Variants in SLCO2B1 observed in about 807,000 individuals in gnomAD.
SLCO2B1 encodes solute carrier organic anion transporter family member 2B1, also known as OATP-RP2.
A neutral mutation model predicts 67.3 loss-of-function variants in SLCO2B1; 41 were observed. That is an observed-to-expected ratio of 0.61 (90% CI 0.47 to 0.79). The LOEUF is 0.79. SLCO2B1 is among the 30% of genes least tolerant of loss of function. The pLI is 0.00. For synonymous variants in SLCO2B1, 379 were observed against 381.4 expected (o/e 0.99, Z 0.07); for missense variants, 837 against 920.1 (o/e 0.91, Z 1.17).
chr11:75,203,164 C>T (rs945851964), intron 12 of SLCO2B1, 143 bp from the exon 13 acceptor site: 41 of 1,305,350 alleles, frequency 3.1e-5, no homozygotes, highest in Non-Finnish European at 2.4e-5. Context: ...GAAGCCACCT[C>T]GGATGCAGGG....
At position 75,164,033 on chromosome 11, in the gene SLCO2B1, T is replaced by A. The variant is rs1410174244; in HGVS notation, c.218T>A (p.Ile73Asn). The change falls in exon 3 of 14, where the codon ATC becomes AAC. Residue 73 changes from isoleucine (I) to asparagine (N), a missense_variant. Ile to Asn is a moderately radical substitution (Grantham distance 149, BLOSUM62 -3). Transcript: ENST00000289575. ...ATCTCCGGCTACCTAAAGAGCTCCA[T>A]CTCCACAGTGGAGAAGCGCTTCGGC... ...LMISGYLKSS[I>N]STVEKRFGLS... is the part of the protein sequence containing the mutation. The A allele has an allele frequency of 1.2e-6, 2 of 1,607,666 alleles. No homozygotes were observed. The highest frequency in any genetic ancestry group is 1.3e-5 in the African/African-American group (1 of 74,698).
intron 1 of SLCO2B1, among the ~76,000 whole-genome samples, chr11:75,160,586 G>A (rs546102904): frequency 2.6e-5 from 4 of 152,234 alleles, no homozygotes; most frequent in South Asian, 2.1e-4. Context: ...TTTCCTCCTT[G>A]CCTTTAAAGT....
rs1299715474 is a variant in SLCO2B1, at chr11:75,188,130, C to T, written c.973-6C>T. ...CGGACTGTCCTTGGTTTTGTGTCTC[C>T]TTCAGGGCAAGGACTCTCCCTCTAA... On this transcript the variant is annotated splice_region_variant and splice_polypyrimidine_tract_variant and intron_variant, in intron 7 of 13. Coordinates refer to ENST00000289575, the MANE Select transcript of SLCO2B1 (RefSeq NM_007256.5). The T allele has an allele frequency of 1.2e-6, 2 of 1,610,212 alleles. No homozygotes were observed. Among genetic ancestry groups the T allele is most frequent in the South Asian group, 2.2e-5 (2 of 90,698 alleles).
intron 9 of SLCO2B1, among the ~76,000 whole-genome samples, chr11:75,194,128 T>TTTAGAG (rs1352583386): frequency 2.0e-5 from 3 of 152,198 alleles, no homozygotes; most frequent in Admixed American, 6.5e-5. Context: ...GGAGCTAAAA[T>TTTAGAG]TCTGATATTC....
In SLCO2B1 at chr11:75,179,971, C is replaced by T. The variant is rs766809445; in HGVS notation, c.972+7402C>T. 5.3e-5 allele frequency among the ~76,000 whole-genome samples: 8 copies of T among 150,704 alleles called. No homozygotes were observed. In the South Asian group the frequency reaches 1.3e-3, roughly 24 times the overall value. The stretch of plus-strand genomic sequence containing the variant: ...CCTCCCAAAGTGTTGGGGTTACAGG[C>T]GTGAGCCACCACACCTGGCCCTGGT... On this transcript the variant is annotated intron_variant, in intron 7 of 13. Transcript: ENST00000289575.
chr11:75,169,377 C>T lies in SLCO2B1; in HGVS notation c.653C>T (p.Ala218Val). ...PFGISYIDDF[A>V]HNSNSPLYLG... is the part of the protein sequence containing the mutation. Reference sequence around the variant, plus strand: ...GGCATCTCCTACATCGATGACTTTGCCCACAACAGCAACTCGCCCCTCTAC... The same window carrying T: ...GGCATCTCCTACATCGATGACTTTGTCCACAACAGCAACTCGCCCCTCTAC... The change falls in exon 5 of 14, where the codon GCC becomes GTC. Residue 218 changes from alanine (A) to valine (V), a missense_variant. By Grantham distance (64) the Ala-to-Val change is moderately conservative (BLOSUM62 0). Transcript: ENST00000289575. The T allele has an allele frequency of 6.2e-7, 1 of 1,605,552 alleles. No homozygotes were observed.
chr11:75,165,906 G>C lies in SLCO2B1; in HGVS notation c.405G>C (p.Pro135=), dbSNP rs1109407. The C allele has an allele frequency of 2.5e-6, 4 of 1,613,932 alleles. No individual in the cohort carries two copies. The highest frequency in any genetic ancestry group is 3.4e-6 in the Non-Finnish European group (4 of 1,179,994). The change falls in exon 4 of 14, where the codon CCG becomes CCC. Residue 135 remains proline, a synonymous_variant. Transcript: ENST00000289575. ...VALAGLLMTL[P]HFISEPYRYD... ...TGGCGGGCCTGCTCATGACTCTCCC[G>C]CACTTCATCTCGGAGCCATACCGCT...
intron 1 of SLCO2B1, among the ~76,000 whole-genome samples, chr11:75,154,936 C>T (rs1476849053): frequency 6.6e-6 from 1 of 152,228 alleles, no homozygotes; most frequent in Non-Finnish European, 1.5e-5. Flanking sequence ...TGAGCCATAG[C>T]TGCCTATCTC....
chr11:75,202,974 C>T lies in SLCO2B1; in HGVS notation c.1828+9C>T. 1.2e-6 allele frequency: 2 copies of T among 1,613,108 alleles called. No homozygotes were observed. Among genetic ancestry groups the T allele is most frequent in the Middle Eastern group, 1.7e-4 (1 of 6,060 alleles). On this transcript the variant is annotated intron_variant, in intron 12 of 13. Transcript: ENST00000289575. ...GTTCCTGAGGATTTTGGGTAAAGATCTTGCTTGGGACCATTGGTGGTGGTG... is the reference window on the plus strand; with the variant it reads ...GTTCCTGAGGATTTTGGGTAAAGATTTTGCTTGGGACCATTGGTGGTGGTG...
At chr11:75,170,415 G>C (rs1339203926) in intron 6 of SLCO2B1, among the ~76,000 whole-genome samples, 5 of 152,148 alleles carry the variant, frequency 3.3e-5, no homozygotes, top group African/African-American at 4.8e-5. Context: ...TCTGAAGGTG[G>C]CCAGGAGGGA....
chr11:75,176,365 C>A (rs1950023453), intron 7 of SLCO2B1, among the ~76,000 whole-genome samples: 1 of 152,214 alleles, frequency 6.6e-6, no homozygotes, highest in South Asian at 2.1e-4. Context: ...GGACCCCTGT[C>A]CCTCTCCAGG....
In SLCO2B1 at chr11:75,160,038, C is replaced by T. The variant is rs183477372; in HGVS notation, c.17-2617C>T. 2.0e-4 allele frequency: 36 copies of T among 176,996 alleles called. No individual in the cohort carries two copies. The East Asian group carries it at 4.7e-3, about 23-fold the overall frequency. 11.0% of individuals were successfully genotyped at this position (176,996 alleles called of 1,614,324 possible). On this transcript the variant is annotated intron_variant, in intron 1 of 13. Transcript: ENST00000289575. ...GAGGGTCCAGGGTCTGGCCTGGAGG[C>T]GGGGGCCTCACATTCTGAGCTGGCC...
intron 1 of SLCO2B1, among the ~76,000 whole-genome samples, chr11:75,156,468 G>T: frequency 6.6e-6 from 1 of 152,150 alleles, no homozygotes. Context: ...GGTAGGAAGG[G>T]CCCAAGGCAG....
chr11:75,188,362 A>ATC lies in SLCO2B1; in HGVS notation c.1075+126_1075+127dup, dbSNP rs1475890364. 4.5e-6 allele frequency: 3 copies of ATC among 662,280 alleles called. No individual in the cohort carries two copies. In the African/African-American group the frequency reaches 5.4e-5, roughly 12 times the overall value. The allele number at this position is 662,280 out of a possible 1,614,324, so 41.0% of individuals were successfully genotyped here. On this transcript the variant is annotated intron_variant, in intron 8 of 13. Transcript: ENST00000289575. ...TACCTGCAGACCCCTCATGAGCACC[A>ATC]TCTACTCCTTGTGAGTCTTTGCACA...
intron 7 of SLCO2B1, among the ~76,000 whole-genome samples, chr11:75,174,944 A>T (rs1014852543): frequency 6.6e-6 from 1 of 152,182 alleles, no homozygotes; most frequent in Non-Finnish European, 1.5e-5. Flanking sequence ...TGCTGAGGTT[A>T]GGTTCCTGGA....
At chr11:75,199,873 A>G in intron 10 of SLCO2B1, 1 of 264,442 alleles carries the variant, frequency 3.8e-6, no homozygotes, top group Non-Finnish European at 7.2e-6. Context: ...TCCAGGGGGC[A>G]AGCCCGGGGA....
chr11:75,166,044 A>C, intron 4 of SLCO2B1, 95 bp downstream of exon 4: 1 of 1,416,884 alleles, frequency 7.1e-7, no homozygotes, highest in Non-Finnish European at 9.5e-7. Context: ...GGCAGGATAC[A>C]CCCCAAAACC....
At chr11:75,191,638 C>T (rs1945024903) in intron 8 of SLCO2B1, among the ~76,000 whole-genome samples, 1 of 152,194 alleles carries the variant, frequency 6.6e-6, no homozygotes, top group Non-Finnish European at 1.5e-5. Context: ...ATGACAGAGG[C>T]CCTGGTCCTG....
Position 75,168,055 on chromosome 11 carries a change from G to A in SLCO2B1, c.449-1118G>A, listed in dbSNP as rs193063652. Among the ~76,000 whole-genome samples the A allele has an allele frequency of 2.1e-3, 314 of 152,024 alleles. 2 individuals carry two copies. Among genetic ancestry groups the A allele is most frequent in the African/African-American group, 6.9e-3 (285 of 41,460 alleles). On this transcript the variant is annotated intron_variant, in intron 4 of 13. Transcript: ENST00000289575. ...ATTACAGGCATGTGCCACCACTCCCGGCTAATTTTTGTATTTTAGTAGCGA... is the reference window on the plus strand; with the variant it reads ...ATTACAGGCATGTGCCACCACTCCCAGCTAATTTTTGTATTTTAGTAGCGA...
Sources: allele counts gnomAD v4.1 joint callset (sites outside exome capture counted in the v4.1 genomes callset), GRCh38; gene constraint gnomAD v4.1.1; transcripts MANE v1.5; gene names NCBI Gene and HGNC (gene_info 2026-07-23, HGNC 2026-07-21).